AGTR1: variants seen among roughly 807,000 people sequenced by gnomAD.
AGTR1 encodes angiotensin II receptor type 1.
In AGTR1, 16 loss-of-function variants were observed where a neutral mutation model predicts 19.4. That is an observed-to-expected ratio of 0.82 (90% CI 0.56 to 1.25). AGTR1 has a LOEUF of 1.25. AGTR1 is among the 50% of genes most tolerant of loss of function. The pLI is 0.00. For synonymous variants in AGTR1, 153 were observed against 154.9 expected (o/e 0.99, Z 0.09); for missense variants, 373 against 431.9 (o/e 0.86, Z 1.21).
intron 2 of AGTR1, among the ~76,000 whole-genome samples, chr3:148,708,856 G>A (rs2107932114): frequency 6.6e-6 from 1 of 152,330 alleles, no homozygotes; most frequent in Non-Finnish European, 1.5e-5. Flanking sequence ...AGAGTAGCTT[G>A]TCCTATTCTG....
intron 1 of AGTR1, among the ~76,000 whole-genome samples, chr3:148,705,759 A>G (rs1712633110): frequency 6.6e-6 from 1 of 151,574 alleles, no homozygotes; most frequent in Non-Finnish European, 1.5e-5. Flanking sequence ...GTGGCAAGTA[A>G]AGATAGTAGT....
At chr3:148,733,247 T>A (rs1044503851) in intron 2 of AGTR1, among the ~76,000 whole-genome samples, 1 of 152,214 alleles carries the variant, frequency 6.6e-6, no homozygotes, top group African/African-American at 2.4e-5. Context: ...GAAAAACGTG[T>A]ACAGTATATC....
intron 2 of AGTR1, among the ~76,000 whole-genome samples, chr3:148,724,257 A>G (rs1055473352): frequency 5.3e-5 from 8 of 152,100 alleles, no homozygotes; most frequent in Admixed American, 5.2e-4. Flanking sequence ...CACTTCACCT[A>G]TTTCTCCCAG....
intron 2 of AGTR1, among the ~76,000 whole-genome samples, chr3:148,732,730 ATTTTT>A (rs778034622): frequency 1.3e-4 from 14 of 109,948 alleles, no homozygotes; most frequent in African/African-American, 2.4e-4. Flanking sequence ...GCTTCGGAAA[ATTTTT>A]TTTTTTTTTT....
chr3:148,702,218 C>A (rs886719331), intron 1 of AGTR1, among the ~76,000 whole-genome samples: 1 of 152,126 alleles, frequency 6.6e-6, no homozygotes, highest in East Asian at 1.9e-4. Context: ...CTCAAGTGAT[C>A]TCCCTGCCTC....
Position 148,741,197 on chromosome 3 carries a change from C to T in AGTR1, c.162C>T (p.Tyr54=). Residue 54 remains tyrosine, a synonymous_variant, in exon 3 of 3, where the codon TAC becomes TAT. Coordinates refer to ENST00000349243, the MANE Select transcript of AGTR1 (RefSeq NM_000685.5). ...ACAGCTTGGTGGTGATAGTCATTTA[C>T]TTTTATATGAAGCTGAAGACTGTGG... ...FGNSLVVIVI[Y]FYMKLKTVAS... The T allele has an allele frequency of 6.2e-7, 1 of 1,614,140 alleles. No homozygotes were observed. Among genetic ancestry groups the T allele is most frequent in the Non-Finnish European group, 8.5e-7 (1 of 1,180,030 alleles).
At chr3:148,698,443 T>C (rs1050119805) in intron 1 of AGTR1, 1 of 152,206 alleles carries the variant, frequency 6.6e-6, no homozygotes, top group African/African-American at 2.4e-5. Flanking sequence ...CAATAAACTT[T>C]CTTCCTGAGG....
At chr3:148,725,688 G>A (rs972278239) in intron 2 of AGTR1, among the ~76,000 whole-genome samples, 3 of 152,044 alleles carry the variant, frequency 2.0e-5, no homozygotes, top group East Asian at 1.9e-4. Flanking sequence ...TCACCATGTT[G>A]GCCAGGCTGG....
chr3:148,715,925 G>A (rs1208839018), intron 2 of AGTR1, among the ~76,000 whole-genome samples: 1 of 152,120 alleles, frequency 6.6e-6, no homozygotes, highest in Non-Finnish European at 1.5e-5. Context: ...CCGTTAGAGA[G>A]TTTGTGACTT....
chr3:148,736,997 C>A (rs143756389), intron 2 of AGTR1, among the ~76,000 whole-genome samples: 8 of 152,286 alleles, frequency 5.3e-5, no homozygotes, highest in African/African-American at 1.9e-4. Flanking sequence ...CGGCTTCTCA[C>A]CAAACCAGCA....
At chr3:148,738,142 A>G (rs1324201981) in intron 2 of AGTR1, among the ~76,000 whole-genome samples, 1 of 152,154 alleles carries the variant, frequency 6.6e-6, no homozygotes, top group Non-Finnish European at 1.5e-5. Flanking sequence ...GTGTGCTGTC[A>G]AAGTCGAGTC....
intron 2 of AGTR1, among the ~76,000 whole-genome samples, chr3:148,731,703 T>C (rs565464167): frequency 3.3e-5 from 5 of 152,264 alleles, no homozygotes; most frequent in Non-Finnish European, 5.9e-5. Flanking sequence ...TAAATTGCCA[T>C]GTAAGATTGT....
At chr3:148,740,895 G>A (rs1410157301) in intron 2 of AGTR1, 94 bp from the exon 3 acceptor site, 6 of 1,147,908 alleles carry the variant, frequency 5.2e-6, no homozygotes, top group Non-Finnish European at 7.3e-6. Flanking sequence ...CTAAAGTTGA[G>A]TTACTACGTT....
At chr3:148,732,392 C>A (rs12721288) in intron 2 of AGTR1, among the ~76,000 whole-genome samples, 1 of 152,104 alleles carries the variant, frequency 6.6e-6, no homozygotes, top group Admixed American at 6.5e-5. Flanking sequence ...GGAAATATTT[C>A]TTTGAGTAAT....
intron 2 of AGTR1, among the ~76,000 whole-genome samples, chr3:148,714,196 G>A (rs1713157386): frequency 6.6e-6 from 1 of 152,142 alleles, no homozygotes; most frequent in Non-Finnish European, 1.5e-5. Flanking sequence ...ACAAAGTCGT[G>A]AGCAAGGTAG....
Position 148,729,229 on chromosome 3 carries a change from C to G in AGTR1, c.-47-11760C>G, listed in dbSNP as rs148262293. Among the ~76,000 whole-genome samples, 249 of 152,256 alleles carry G rather than the reference C, an allele frequency of 1.6e-3. 1 individual carries two copies. Among genetic ancestry groups the G allele is most frequent in the African/African-American group, 5.5e-3 (227 of 41,562 alleles). ...GAACTTGCGATGGCAAAGTTAAAAA[C>G]AAGAGGAGATGATGGTCTTGGTGTG... is the stretch of plus-strand genomic sequence containing the variant. On this transcript the variant is annotated intron_variant, in intron 2 of 2. Transcript: ENST00000349243.
At chr3:148,711,849 A>C (rs1441838769) in intron 2 of AGTR1, among the ~76,000 whole-genome samples, 3 of 152,146 alleles carry the variant, frequency 2.0e-5, no homozygotes, top group African/African-American at 7.2e-5. Context: ...CCTGGGCTCA[A>C]GCCATCCTCC....
intron 2 of AGTR1, among the ~76,000 whole-genome samples, chr3:148,740,112 G>C (rs115402244): frequency 3.6e-4 from 55 of 152,322 alleles, no homozygotes; most frequent in African/African-American, 1.2e-3. Flanking sequence ...ATGGCTTTGT[G>C]CAGCCCATTC....
At position 148,742,857 on chromosome 3, in the gene AGTR1, A is replaced by C. The variant is rs1198196479; in HGVS notation, c.*742A>C. On this transcript the variant is annotated 3_prime_UTR_variant, in exon 3 of 3. Coordinates refer to ENST00000349243, the MANE Select transcript of AGTR1 (RefSeq NM_000685.5). ...GTATATAGTTTGTGGTAAAAAGATTATATATCATAAAGTATGCCTTCCTGT... is the reference window on the plus strand; with the variant it reads ...GTATATAGTTTGTGGTAAAAAGATTCTATATCATAAAGTATGCCTTCCTGT... 1 of 167,186 alleles carries C rather than the reference A, an allele frequency of 6.0e-6. No homozygotes were observed. Among genetic ancestry groups the C allele is most frequent in the Non-Finnish European group, 1.5e-5 (1 of 68,240 alleles). 10.4% of individuals were successfully genotyped at this position (167,186 alleles called of 1,614,324 possible).
Sources: gnomAD v4.1 joint callset for allele counts (sites outside exome capture counted in the v4.1 genomes callset) on GRCh38, gnomAD v4.1.1 for gene constraint, MANE v1.5 for transcripts, NCBI Gene and HGNC (gene_info 2026-07-23, HGNC 2026-07-21) for gene names.